The following REPS1 variants were observed in gnomAD, a reference collection of about 807,000 sequenced individuals.
REPS1 encodes the protein RALBP1 associated Eps domain containing 1.
REPS1 carries 39 observed loss-of-function variants against 100.9 expected under a neutral mutation model. That is an observed-to-expected ratio of 0.39 (90% CI 0.30 to 0.50). The LOEUF (loss-of-function observed/expected upper bound fraction) is 0.50, where lower values mean the gene tolerates loss of function less well. Ranked by LOEUF, REPS1 falls within the 20% of genes least tolerant of loss-of-function variation. The pLI, the probability that REPS1 is intolerant of heterozygous loss-of-function variation, is 0.86. For missense variants in REPS1, 821 were observed against 968.5 expected (o/e 0.85, Z 2.02); for synonymous variants, 324 against 340.3 (o/e 0.95, Z 0.53).
intron 19 of REPS1, among the ~76,000 whole-genome samples, chr6:138,905,361 G>A (rs887890120): frequency 2.0e-5 from 3 of 152,070 alleles, no homozygotes; most frequent in African/African-American, 7.2e-5. Context: ...GCGCAATCTC[G>A]GCTCACTGCA....
chr6:138,913,267 G>GT (rs1780133823), intron 15 of REPS1, among the ~76,000 whole-genome samples: 1 of 151,938 alleles, frequency 6.6e-6, no homozygotes, highest in African/African-American at 2.4e-5. Flanking sequence ...ACTTGCATGT[G>GT]TTTTTTTCTT....
chr6:138,944,417 A>G (rs1782477006), intron 5 of REPS1, 81 bp downstream of exon 5: 1 of 1,474,816 alleles, frequency 6.8e-7, no homozygotes, highest in Admixed American at 2.2e-5. Context: ...TAAAATCTGC[A>G]ACAGCAAAAT....
chr6:138,950,485 C>T (rs371372919), intron 1 of REPS1, among the ~76,000 whole-genome samples: 2 of 150,730 alleles, frequency 1.3e-5, no homozygotes, highest in African/African-American at 2.4e-5. Context: ...TGTCTCCCCC[C>T]GCAAAAAAAA....
rs376475892 is a variant in REPS1 at position 138,921,818 on chromosome 6, C to T, written c.1339-694G>A. On this transcript the variant is annotated intron_variant, in intron 10 of 19. Coordinates refer to ENST00000450536, the MANE Select transcript of REPS1 (RefSeq NM_001286611.2). ...GTCTCGAACTCCTGACCTTGTGATC[C>T]GCCCGCCTCGGCCTACAAAGTGCTG... 7.9e-5 allele frequency among the ~76,000 whole-genome samples: 12 copies of T among 151,928 alleles called. 1 individual carries two copies. The highest frequency in any genetic ancestry group is 7.4e-5 in the Non-Finnish European group (5 of 67,954).
At chr6:138,946,331 T>C (rs367822454) in intron 2 of REPS1, among the ~76,000 whole-genome samples, 1 of 152,236 alleles carries the variant, frequency 6.6e-6, no homozygotes, top group African/African-American at 2.4e-5. Flanking sequence ...AGCCAGATAT[T>C]CTACATTCAA....
At chr6:138,970,501 C>T (rs1458723001) in intron 1 of REPS1, among the ~76,000 whole-genome samples, 2 of 150,750 alleles carry the variant, frequency 1.3e-5, no homozygotes, top group Admixed American at 1.3e-4. Flanking sequence ...TAAATTACAC[C>T]AAGCACAGTG....
intron 1 of REPS1, among the ~76,000 whole-genome samples, chr6:138,985,064 G>C (rs112428631): frequency 6.6e-6 from 1 of 152,056 alleles, no homozygotes; most frequent in Non-Finnish European, 1.5e-5. Context: ...CTGAAATATC[G>C]TTATCTGCTG....
intron 1 of REPS1, among the ~76,000 whole-genome samples, chr6:138,981,877 T>G (rs1167884926): frequency 2.0e-5 from 3 of 151,986 alleles, no homozygotes; most frequent in Admixed American, 6.6e-5. Context: ...CCCAATATAC[T>G]AAAACTCTAA....
chr6:138,933,388 T>C (rs973701688), intron 8 of REPS1, among the ~76,000 whole-genome samples: 1 of 152,256 alleles, frequency 6.6e-6, no homozygotes, highest in Non-Finnish European at 1.5e-5. Context: ...TGTGTTCTAA[T>C]ACAATTTTTA....
chr6:138,951,580 G>C (rs1414007814), intron 1 of REPS1, among the ~76,000 whole-genome samples: 1 of 152,108 alleles, frequency 6.6e-6, no homozygotes, highest in African/African-American at 2.4e-5. Context: ...TTTGGAGTTG[G>C]TGTTATATTG....
chr6:138,945,670 A>C lies in REPS1; in HGVS notation c.305T>G (p.Val102Gly), dbSNP rs1782567610. ...TVKDLPLPRF[V>G]ASKNEQESRH... is the part of the protein sequence containing the mutation. ...AGATTCCTGTTCATTCTTTGAAGCA[A>C]CAAATCTTGGCAGAGGAAGGTCCTT... Residue 102 changes from valine (V) to glycine (G), a missense_variant, in exon 3 of 20, where the codon GTT becomes GGT. Physicochemically the swap from Val to Gly is moderately radical, Grantham distance 109. Coordinates refer to ENST00000450536, the MANE Select transcript of REPS1 (RefSeq NM_001286611.2). 1.2e-6 allele frequency: 2 copies of C among 1,608,176 alleles called. No homozygotes were observed. Among genetic ancestry groups the C allele is most frequent in the Non-Finnish European group, 1.7e-6 (2 of 1,177,956 alleles).
intron 19 of REPS1, among the ~76,000 whole-genome samples, chr6:138,906,781 G>C (rs1280757059): frequency 1.3e-5 from 2 of 152,150 alleles, no homozygotes; most frequent in Non-Finnish European, 2.9e-5. Flanking sequence ...TCCCACCTTA[G>C]CTCTACAAAA....
In REPS1 at chr6:138,911,324, T is replaced by C. The variant is rs143615216; in HGVS notation, c.2019A>G (p.Thr673=). The part of the protein sequence containing the change: ...DPASSLRVAK[T]DSKTEEKTAA... Reference sequence around the variant, plus strand: ...CTGTCTTTTCTTCAGTTTTACTATCTGTTTTGGCAACTCGAAGAGAACTTG... The same window carrying C: ...CTGTCTTTTCTTCAGTTTTACTATCCGTTTTGGCAACTCGAAGAGAACTTG... Residue 673 remains threonine (T), a synonymous_variant, in exon 17 of 20, where the codon ACA becomes ACG. Coordinates refer to ENST00000450536, the MANE Select transcript of REPS1 (RefSeq NM_001286611.2). 11 of 1,613,758 alleles carry C rather than the reference T, an allele frequency of 6.8e-6. No homozygotes were observed. The African/African-American group carries it at 1.5e-4, about 22-fold the overall frequency.
At chr6:138,916,216 T>TTA in intron 13 of REPS1, 4 of 341,754 alleles carry the variant, frequency 1.2e-5, no homozygotes, top group East Asian at 7.3e-5. Context: ...ATTTCTTTTT[T>TTA]TCTTTTTTTT....
At chr6:138,926,110 T>C (rs1345570026) in intron 10 of REPS1, among the ~76,000 whole-genome samples, 2 of 152,182 alleles carry the variant, frequency 1.3e-5, no homozygotes, top group Admixed American at 6.5e-5. Flanking sequence ...ATATAAAATA[T>C]ACACTTAATT....
intron 8 of REPS1, among the ~76,000 whole-genome samples, chr6:138,932,459 AC>A (rs71009602): frequency 0.11 from 16,425 of 147,702 alleles, 1,416 homozygotes; most frequent in African/African-American, 0.24. Context: ...TGTATTCCTT[AC>A]CCCCCCCCAC....
chr6:138,941,959 A>G (rs1193568045), intron 7 of REPS1, among the ~76,000 whole-genome samples: 1 of 152,094 alleles, frequency 6.6e-6, no homozygotes, highest in Admixed American at 6.5e-5. Context: ...GCCCACTGCA[A>G]CCTCCACCTC....
Position 138,920,323 on chromosome 6 carries a change from G to C in REPS1, c.1427-7C>G. 1 of 1,439,020 alleles carries C rather than the reference G, an allele frequency of 6.9e-7. No homozygotes were observed. The highest frequency in any genetic ancestry group is 2.3e-5 in the East Asian group (1 of 43,960). 89.1% of individuals were successfully genotyped at this position (1,439,020 alleles called of 1,614,324 possible). ...CTAGTGGGATTTGTATGATCTAATA[G>C]AGAATTAATAGGTAAAAATACAAGA... On this transcript the variant is annotated splice_polypyrimidine_tract_variant and splice_region_variant and intron_variant, in intron 11 of 19. Transcript: ENST00000450536.
At chr6:138,907,254 T>C in intron 19 of REPS1, 1 of 315,086 alleles carries the variant, frequency 3.2e-6, no homozygotes, top group South Asian at 5.5e-5. Flanking sequence ...GAGGATAGCT[T>C]GAGCCCAGGT....
Sources: allele counts gnomAD v4.1 joint callset (sites outside exome capture counted in the v4.1 genomes callset), GRCh38; gene constraint gnomAD v4.1.1; transcripts MANE v1.5; gene names NCBI Gene and HGNC (gene_info 2026-07-23, HGNC 2026-07-21).